DOCK4: variants seen among roughly 807,000 people sequenced by gnomAD.
DOCK4 encodes the protein dedicator of cytokinesis protein 4.
A neutral mutation model predicts 268.1 loss-of-function variants in DOCK4; 97 were observed. The ratio of observed to expected loss-of-function variants is 0.36; its 90% confidence interval spans 0.31 to 0.43. DOCK4 has a LOEUF of 0.43. Ranked by LOEUF, DOCK4 falls within the 20% of genes least tolerant of loss-of-function variation. The probability of loss-of-function intolerance (pLI) is 1.00; values close to 1 mark genes in which losing one functional copy is unlikely to be tolerated. For synonymous variants in DOCK4, 954 were observed against 887.2 expected (o/e 1.08, Z -1.34); for missense variants, 2,145 against 2,455.7 (o/e 0.87, Z 2.67).
intron 1 of DOCK4, among the ~76,000 whole-genome samples, chr7:112,200,741 A>AC (rs1820860784): frequency 6.7e-6 from 1 of 149,528 alleles, no homozygotes; most frequent in African/African-American, 2.4e-5. Flanking sequence ...AAAAAAAACA[A>AC]AAAAAAACAA....
intron 1 of DOCK4, among the ~76,000 whole-genome samples, chr7:112,029,605 C>A (rs1803104575): frequency 6.6e-6 from 1 of 152,202 alleles, no homozygotes; most frequent in Non-Finnish European, 1.5e-5. Flanking sequence ...AAGGATAGAA[C>A]TTGTCACTCT....
intron 1 of DOCK4, among the ~76,000 whole-genome samples, chr7:112,087,731 A>C (rs984510085): frequency 3.9e-5 from 6 of 152,196 alleles, no homozygotes; most frequent in African/African-American, 1.4e-4. Context: ...CTTTTCCCTA[A>C]GCCTTTCTCT....
intron 26 of DOCK4, among the ~76,000 whole-genome samples, chr7:111,826,240 G>T (rs76358536): frequency 5.1e-4 from 77 of 152,270 alleles, no homozygotes; most frequent in Admixed American, 9.2e-4. Flanking sequence ...GAGAGCACAG[G>T]GTTGCCTGGA....
At chr7:112,165,523 CGTGT>C (rs112020512) in intron 1 of DOCK4, among the ~76,000 whole-genome samples, 5,717 of 126,516 alleles carry the variant, frequency 0.045, 349 homozygotes, top group African/African-American at 0.13. Context: ...GAATAGTATA[CGTGT>C]GTGTGTGTGT....
intron 1 of DOCK4, among the ~76,000 whole-genome samples, chr7:112,149,469 T>C (rs1026942499): frequency 4.0e-5 from 6 of 151,472 alleles, no homozygotes; most frequent in African/African-American, 1.5e-4. Flanking sequence ...AAGGTCTTCA[T>C]AAAATCGCTG....
At chr7:111,975,128 G>T (rs387371) in intron 8 of DOCK4, among the ~76,000 whole-genome samples, 1 of 152,118 alleles carries the variant, frequency 6.6e-6, no homozygotes, top group South Asian at 2.1e-4. Context: ...TTAGCTGGGC[G>T]TGGTGGCGGG....
intron 1 of DOCK4, among the ~76,000 whole-genome samples, chr7:112,155,898 G>A (rs1816569894): frequency 6.6e-6 from 1 of 152,126 alleles, no homozygotes; most frequent in South Asian, 2.1e-4. Context: ...ACAGTATATA[G>A]TGCAATGGAG....
chr7:111,961,524 T>C (rs905333354), intron 8 of DOCK4, among the ~76,000 whole-genome samples: 1 of 152,208 alleles, frequency 6.6e-6, no homozygotes, highest in African/African-American at 2.4e-5. Context: ...TATACTTATT[T>C]AGAATTTCCA....
intron 1 of DOCK4, among the ~76,000 whole-genome samples, chr7:112,043,462 GACATT>G: frequency 6.6e-6 from 1 of 150,390 alleles, no homozygotes; most frequent in African/African-American, 2.4e-5. Flanking sequence ...AGATAACCAA[GACATT>G]GCCTAAAATG....
At chr7:111,750,079 A>G (rs1305335518) in intron 42 of DOCK4, among the ~76,000 whole-genome samples, 1 of 152,216 alleles carries the variant, frequency 6.6e-6, no homozygotes, top group Non-Finnish European at 1.5e-5. Flanking sequence ...TCACCACTAA[A>G]ATGAATAAGG....
Position 111,873,693 on chromosome 7 carries a change from G to A in DOCK4, c.1745-1129C>T, listed in dbSNP as rs80343892. ...AAAAGAGAATATAGAGAACACCAGTGAGAAAAAGCATTAAGAATCTCAAGG... is the reference window on the plus strand; with the variant it reads ...AAAAGAGAATATAGAGAACACCAGTAAGAAAAAGCATTAAGAATCTCAAGG... On this transcript the variant is annotated intron_variant, in intron 17 of 52. Coordinates refer to ENST00000428084, the MANE Select transcript of DOCK4 (RefSeq NM_001363540.2). Among the ~76,000 whole-genome samples the A allele has an allele frequency of 2.6e-4, 39 of 152,236 alleles. No homozygotes were observed. In the East Asian group the frequency reaches 7.2e-3, roughly 28 times the overall value.
intron 1 of DOCK4, among the ~76,000 whole-genome samples, chr7:112,169,787 G>A (rs1586965246): frequency 6.6e-6 from 1 of 152,164 alleles, no homozygotes; most frequent in South Asian, 2.1e-4. Flanking sequence ...GCTGATAAGG[G>A]AGGAGGGCGA....
chr7:111,752,578 G>GT (rs56037303), intron 42 of DOCK4, among the ~76,000 whole-genome samples: 5,677 of 82,124 alleles, frequency 0.069, 323 homozygotes, highest in African/African-American at 0.095. Flanking sequence ...ATCAGCTTAG[G>GT]TTTTTTTTTT....
In DOCK4 at chr7:111,728,004, T is replaced by G; in HGVS notation, c.*270A>C. Reference sequence around the variant, plus strand: ...TAAACTATATAAAAAAAAGTGAACATAAAAAGGTACAAAAGGAGTCTTTAT... The same window carrying G: ...TAAACTATATAAAAAAAAGTGAACAGAAAAAGGTACAAAAGGAGTCTTTAT... On this transcript the variant is annotated 3_prime_UTR_variant, in exon 53 of 53. Coordinates refer to ENST00000428084, the MANE Select transcript of DOCK4 (RefSeq NM_001363540.2). 2.8e-6 allele frequency: 1 copy of G among 362,916 alleles called. No homozygotes were observed. The highest frequency in any genetic ancestry group is 4.9e-6 in the Non-Finnish European group (1 of 204,700). 22.5% of individuals were successfully genotyped at this position (362,916 alleles called of 1,614,324 possible).
Position 112,120,328 on chromosome 7 carries a change from T to G in DOCK4, c.37+85774A>C, listed in dbSNP as rs566953095. On this transcript the variant is annotated intron_variant, in intron 1 of 52. Coordinates refer to ENST00000428084, the MANE Select transcript of DOCK4 (RefSeq NM_001363540.2). ...CATGTCATTTGTTGGAATTTTTTGA[T>G]AAAACTGTTTAGTAGCGCTATTTTA... Among the ~76,000 whole-genome samples, 8 of 152,306 alleles carry G rather than the reference T, an allele frequency of 5.3e-5. No homozygotes were observed. The East Asian group carries it at 1.4e-3, about 26-fold the overall frequency.
At position 111,863,562 on chromosome 7, in the gene DOCK4, A is replaced by G; in HGVS notation, c.2283T>C (p.Ala761=). 2 of 1,591,570 alleles carry G rather than the reference A, an allele frequency of 1.3e-6. No individual in the cohort carries two copies. The highest frequency in any genetic ancestry group is 1.7e-6 in the Non-Finnish European group (2 of 1,167,078). The change falls in exon 23 of 53, where the codon GCT becomes GCC. Residue 761 remains alanine (A), a splice_region_variant and synonymous_variant. Transcript: ENST00000428084. ...KGSGALSQSQ[A]VFLSSFPAVY... Reference sequence around the variant, plus strand: ...CGGCAGGGAAAGAGCTCAGAAACACAGCCTTAAAAAGAAGAAGACATTTAA... The same window carrying G: ...CGGCAGGGAAAGAGCTCAGAAACACGGCCTTAAAAAGAAGAAGACATTTAA...
At chr7:111,892,997 A>G (rs553564694) in intron 16 of DOCK4, among the ~76,000 whole-genome samples, 1 of 152,294 alleles carries the variant, frequency 6.6e-6, no homozygotes, top group South Asian at 2.1e-4. Flanking sequence ...CCCAAATTAG[A>G]CAGCCTACAC....
At chr7:111,977,333 T>G in intron 7 of DOCK4, 50 bp from the exon 8 acceptor site, 1 of 1,553,844 alleles carries the variant, frequency 6.4e-7, no homozygotes, top group Non-Finnish European at 8.7e-7. Flanking sequence ...CTGAAGGAAA[T>G]AACAGGACCC....
intron 12 of DOCK4, among the ~76,000 whole-genome samples, chr7:111,926,319 T>C (rs972909066): frequency 2.1e-5 from 3 of 144,040 alleles, no homozygotes; most frequent in Non-Finnish European, 4.5e-5. Flanking sequence ...TAGTTCCAGC[T>C]ATTCAGGAGG....
Sources: gnomAD v4.1 joint callset for allele counts (sites outside exome capture counted in the v4.1 genomes callset) on GRCh38, gnomAD v4.1.1 for gene constraint, MANE v1.5 for transcripts, NCBI Gene and HGNC (gene_info 2026-07-23, HGNC 2026-07-21) for gene names.